Variants in FARP1 observed in about 807,000 individuals in gnomAD.
FARP1 encodes FERM, ARH/RhoGEF and pleckstrin domain protein 1.
FARP1 carries 52 observed loss-of-function variants against 128.8 expected under a neutral mutation model. The ratio of observed to expected loss-of-function variants is 0.40; its 90% CI spans 0.32 to 0.51. The LOEUF (loss-of-function observed/expected upper bound fraction) is 0.51, where lower values mean the gene tolerates loss of function less well. FARP1 is among the 20% of genes least tolerant of loss of function. FARP1 has a pLI of 0.45. For synonymous variants in FARP1, 580 were observed against 551.8 expected, an observed-to-expected ratio of 1.05 and a Z score of -0.72; for missense variants, 1,333 against 1,367.9, an observed-to-expected ratio of 0.97 and a Z score of 0.40.
At chr13:98,314,841 GA>G (rs1317494830) in intron 2 of FARP1, among the ~76,000 whole-genome samples, 1 of 152,230 alleles carries the variant, frequency 6.6e-6, no homozygotes, top group Non-Finnish European at 1.5e-5. Context: ...TTAAGGAAGA[GA>G]GGGGCAGACC....
chr13:98,206,060 G>T (rs1880241503), intron 1 of FARP1, among the ~76,000 whole-genome samples: 1 of 151,932 alleles, frequency 6.6e-6, no homozygotes, highest in Admixed American at 6.6e-5. Context: ...CTTTGTAAAG[G>T]TTTTTTTGTT....
chr13:98,240,213 C>G (rs1882684218), intron 2 of FARP1, among the ~76,000 whole-genome samples: 1 of 152,166 alleles, frequency 6.6e-6, no homozygotes, highest in Non-Finnish European at 1.5e-5. Context: ...AGGGTAGACG[C>G]ACGTTTTTTG....
chr13:98,307,225 G>T (rs538630034), intron 2 of FARP1, among the ~76,000 whole-genome samples: 1 of 152,192 alleles, frequency 6.6e-6, no homozygotes, highest in Non-Finnish European at 1.5e-5. Flanking sequence ...GATTGAATGC[G>T]TTTTTCTCAG....
Position 98,390,793 on chromosome 13 carries a change from G to C in FARP1, c.1020-19G>C, listed in dbSNP as rs1367475863. 6.2e-7 allele frequency: 1 copy of C among 1,600,582 alleles called. No individual in the cohort carries two copies. On this transcript the variant is annotated intron_variant, in intron 10 of 26. Coordinates refer to ENST00000319562, the MANE Select transcript of FARP1 (RefSeq NM_005766.4). ...TGCCTTGGTATTTCTCCCCTTCCCTGTTGTGGTCTCTGTTTCAGTGGTCGG... is the reference window on the plus strand; with the variant it reads ...TGCCTTGGTATTTCTCCCCTTCCCTCTTGTGGTCTCTGTTTCAGTGGTCGG...
chr13:98,266,477 A>C (rs1884120478), intron 2 of FARP1, among the ~76,000 whole-genome samples: 1 of 152,172 alleles, frequency 6.6e-6, no homozygotes, highest in Non-Finnish European at 1.5e-5. Context: ...CAGCGTCCAC[A>C]GCAAACTCCT....
chr13:98,164,544 C>A (rs892213363), intron 1 of FARP1, among the ~76,000 whole-genome samples: 6 of 152,154 alleles, frequency 3.9e-5, no homozygotes, highest in Admixed American at 6.5e-5. Context: ...ACATCTGTGG[C>A]CTTCATTTGT....
At chr13:98,203,338 G>A (rs1338835618) in intron 1 of FARP1, among the ~76,000 whole-genome samples, 1 of 152,134 alleles carries the variant, frequency 6.6e-6, no homozygotes, top group Non-Finnish European at 1.5e-5. Flanking sequence ...CATCACCACG[G>A]TCCAGTTTCA....
In FARP1 at chr13:98,394,948, G is replaced by A. The variant is rs868594937; in HGVS notation, c.1165-279G>A. On this transcript the variant is annotated intron_variant, in intron 12 of 26. Coordinates refer to ENST00000319562, the MANE Select transcript of FARP1 (RefSeq NM_005766.4). ...TCCCCCTCCAAAAAAGAAAAGCAAA[G>A]CAAACCCCAGCATGAGTCGGCGGGT... 2.6e-5 allele frequency among the ~76,000 whole-genome samples: 4 copies of A among 152,212 alleles called. No homozygotes were observed. In the Middle Eastern group the frequency reaches 0.01, roughly 388 times the overall value.
At chr13:98,198,558 C>T (rs1453857580) in intron 1 of FARP1, among the ~76,000 whole-genome samples, 2 of 151,978 alleles carry the variant, frequency 1.3e-5, no homozygotes, top group Non-Finnish European at 2.9e-5. Context: ...ATAGCAAGAC[C>T]CCTCCCTCTC....
At chr13:98,397,690 T>C (rs1311000586) in intron 13 of FARP1, 2 of 152,120 alleles carry the variant, frequency 1.3e-5, no homozygotes, top group South Asian at 2.1e-4. Flanking sequence ...TTTGATCTCA[T>C]TGGTCTTGAG....
At chr13:98,396,640 C>T (rs1890561245) in intron 13 of FARP1, 3 of 397,590 alleles carry the variant, frequency 7.5e-6, no homozygotes, top group Admixed American at 4.4e-5. Context: ...AAGAGTCTGC[C>T]TGACTTCTAA....
chr13:98,311,550 TGTGTGTGTGTGTGCATGTGC>T (rs141541027), intron 2 of FARP1, among the ~76,000 whole-genome samples: 13,857 of 147,680 alleles, frequency 0.094, 963 homozygotes, highest in East Asian at 0.3. Flanking sequence ...ATCAGGGTGC[TGTGTGTGTGTGTGCATGTGC>T]GTGTGTGTGT....
intron 6 of FARP1, among the ~76,000 whole-genome samples, chr13:98,380,465 C>T (rs1363226889): frequency 6.6e-6 from 1 of 151,536 alleles, no homozygotes; most frequent in South Asian, 2.1e-4. Flanking sequence ...TAAGTGTTCT[C>T]ACCACAAAAA....
At chr13:98,370,067 C>T (rs879169709) in intron 5 of FARP1, among the ~76,000 whole-genome samples, 1 of 152,210 alleles carries the variant, frequency 6.6e-6, no homozygotes, top group South Asian at 2.1e-4. Context: ...TATCAGATAG[C>T]GGCAAGAACT....
chr13:98,385,390 G>A (rs1461965248), intron 7 of FARP1, among the ~76,000 whole-genome samples: 1 of 151,086 alleles, frequency 6.6e-6, no homozygotes, highest in African/African-American at 2.5e-5. Flanking sequence ...TGAGCTTAAA[G>A]GAAACTCTTT....
intron 1 of FARP1, among the ~76,000 whole-genome samples, chr13:98,181,661 A>T (rs57672931): frequency 5.4e-5 from 8 of 148,638 alleles, no homozygotes; most frequent in South Asian, 4.3e-4. Flanking sequence ...AGAGAGAGAG[A>T]GTCTCACTGT....
At chr13:98,206,973 C>G (rs903116436) in intron 1 of FARP1, among the ~76,000 whole-genome samples, 2 of 152,068 alleles carry the variant, frequency 1.3e-5, no homozygotes, top group Non-Finnish European at 2.9e-5. Flanking sequence ...ACACTAGAGG[C>G]CTTTCGGTTT....
At position 98,170,219 on chromosome 13, in the gene FARP1, T is replaced by C. The variant is rs761408900; in HGVS notation, c.-24+26727T>C. 6.9e-4 allele frequency among the ~76,000 whole-genome samples: 105 copies of C among 152,182 alleles called. 1 individual carries two copies. Among genetic ancestry groups the C allele is most frequent in the Non-Finnish European group, 2.8e-4 (19 of 68,028 alleles). On this transcript the variant is annotated intron_variant, in intron 1 of 26. Transcript: ENST00000319562. ...TTGTTTTTGATACAGAGTCTTACTC[T>C]GTCACCCAGGCTGGAGTGCAGTGGC...
intron 1 of FARP1, among the ~76,000 whole-genome samples, chr13:98,167,685 C>T (rs985485789): frequency 2.6e-5 from 4 of 152,184 alleles, no homozygotes; most frequent in Admixed American, 2.6e-4. Context: ...GCTAGGATTA[C>T]AAGCATGAGC....
Sources: allele counts gnomAD v4.1 joint callset (sites outside exome capture counted in the v4.1 genomes callset), GRCh38; gene constraint gnomAD v4.1.1; transcripts MANE v1.5; gene names NCBI Gene and HGNC (gene_info 2026-07-23, HGNC 2026-07-21).